Variants in CPB2 observed in about 807,000 individuals in gnomAD.
CPB2 encodes carboxypeptidase B-like protein.
CPB2 carries 54 observed loss-of-function variants against 57.0 expected under a neutral mutation model. The ratio of observed to expected loss-of-function variants is 0.95; its 90% CI spans 0.76 to 1.19. The LOEUF is 1.19. Among genes scored for constraint, CPB2 ranks in the 50% most tolerant of loss-of-function variants. The probability of loss-of-function intolerance (pLI) is 0.00; values close to 1 mark genes in which losing one functional copy is unlikely to be tolerated. For synonymous variants in CPB2, 189 were observed against 178.1 expected (o/e 1.06, Z -0.49); for missense variants, 426 against 512.0 (o/e 0.83, Z 1.62).
chr13:46,090,724 CT>C (rs10651921), intron 1 of CPB2, among the ~76,000 whole-genome samples: 3 of 148,402 alleles, frequency 2.0e-5, no homozygotes, highest in Admixed American at 6.7e-5. Flanking sequence ...AGATGTTGCA[CT>C]TTTTTTTTTT....
chr13:46,100,965 T>A (rs2045427566), intron 1 of CPB2: 1 of 152,226 alleles, frequency 6.6e-6, no homozygotes, highest in South Asian at 2.1e-4. Flanking sequence ...GGTGTGTTTG[T>A]GGAAGAGGTG....
Position 46,073,958 on chromosome 13 carries a change from G to A in CPB2, c.506C>T (p.Ala169Val). 6.3e-7 allele frequency: 1 copy of A among 1,586,578 alleles called. No homozygotes were observed. The highest frequency in any genetic ancestry group is 2.3e-5 in the East Asian group (1 of 44,244). ...GTCAATCCATATGGCATTTTTGGCT[G>A]CTTGTTCTTTTCCAGAAACCTGCTC... ...YVLKVSGKEQ[A>V]AKNAIWIDCG... The change falls in exon 6 of 11, where the codon GCA (alanine) becomes GTA (valine). Residue 169 changes from alanine to valine, a missense_variant. By Grantham distance (64) the Ala-to-Val change is moderately conservative (BLOSUM62 0). Coordinates refer to ENST00000181383, the MANE Select transcript of CPB2 (RefSeq NM_001872.5).
At chr13:46,104,905 C>T in intron 1 of CPB2, 31 bp downstream of exon 1, 2 of 1,613,308 alleles carry the variant, frequency 1.2e-6, no homozygotes, top group Non-Finnish European at 1.7e-6. Context: ...AGGAGAGTGG[C>T]CCACCACAGT....
At chr13:46,100,495 T>A (rs1339186158) in intron 1 of CPB2, 2 of 151,030 alleles carry the variant, frequency 1.3e-5, no homozygotes, top group South Asian at 2.1e-4. Flanking sequence ...TTTTTTTTTT[T>A]AGCATGTTTT....
At chr13:46,087,603 T>C in intron 2 of CPB2, 142 bp downstream of exon 2, 1 of 617,746 alleles carries the variant, frequency 1.6e-6, no homozygotes, top group Non-Finnish European at 2.8e-6. Context: ...CAAAATCATG[T>C]GATTATGAGA....
intron 1 of CPB2, among the ~76,000 whole-genome samples, chr13:46,103,333 C>T (rs376499233): frequency 3.9e-5 from 6 of 152,164 alleles, no homozygotes; most frequent in African/African-American, 1.4e-4. Context: ...CCTCTAATCC[C>T]GAACCTCTCT....
chr13:46,085,512 C>T (rs2045189433), intron 2 of CPB2, among the ~76,000 whole-genome samples: 1 of 152,210 alleles, frequency 6.6e-6, no homozygotes, highest in Admixed American at 6.5e-5. Context: ...AGTGTTAATG[C>T]AGGCCCATTC....
intron 1 of CPB2, among the ~76,000 whole-genome samples, chr13:46,090,220 G>C (rs1272945187): frequency 6.6e-6 from 1 of 151,028 alleles, no homozygotes; most frequent in Non-Finnish European, 1.5e-5. Flanking sequence ...TTAAAAATCA[G>C]CTTGTTATGT....
At chr13:46,094,518 C>T (rs907913020) in intron 1 of CPB2, among the ~76,000 whole-genome samples, 1 of 152,168 alleles carries the variant, frequency 6.6e-6, no homozygotes, top group Non-Finnish European at 1.5e-5. Context: ...GGGCTAACTA[C>T]AGGACATGCC....
chr13:46,104,190 G>A (rs2139433017), intron 1 of CPB2, among the ~76,000 whole-genome samples: 1 of 152,236 alleles, frequency 6.6e-6, no homozygotes, highest in South Asian at 2.1e-4. Context: ...CATGAGGAGA[G>A]GGATCTGTCT....
At chr13:46,092,032 C>G (rs555932473) in intron 1 of CPB2, among the ~76,000 whole-genome samples, 1 of 151,962 alleles carries the variant, frequency 6.6e-6, no homozygotes, top group East Asian at 1.9e-4. Context: ...AGCTCTGAGC[C>G]CCCCCTTTTT....
At chr13:46,067,486 CTTTTT>C in intron 6 of CPB2, 69 bp from the exon 7 acceptor site, 1 of 807,848 alleles carries the variant, frequency 1.2e-6, no homozygotes, top group East Asian at 2.6e-5. Context: ...GTTTCTTTTT[CTTTTT>C]TTTAATTTGT....
Position 46,084,326 on chromosome 13 carries a change from C to T in CPB2, c.168G>A (p.Pro56=), listed in dbSNP as rs374272287. 14 of 1,613,922 alleles carry T rather than the reference C, an allele frequency of 8.7e-6. 1 individual carries two copies. The highest frequency in any genetic ancestry group is 5.0e-5 in the Admixed American group (3 of 59,998). ...TCTTCACAATAAGGTCAGCTGTTAC[C>T]GGCTGCCAGAGAACAATCTACAGTT... ...TTTYEIVLWQ[P]VTADLIVKKK... is the part of the protein sequence containing the mutation. Residue 56 remains proline (P), a synonymous_variant, in exon 3 of 11, where the codon CCG becomes CCA. Transcript: ENST00000181383.
chr13:46,061,009 G>C (rs1017191731), intron 8 of CPB2, among the ~76,000 whole-genome samples: 5 of 152,066 alleles, frequency 3.3e-5, no homozygotes, highest in Non-Finnish European at 7.4e-5. Context: ...AAGTAGATAA[G>C]AAATTACCAA....
At chr13:46,066,279 T>C (rs2044853275) in intron 7 of CPB2, among the ~76,000 whole-genome samples, 1 of 152,238 alleles carries the variant, frequency 6.6e-6, no homozygotes, top group Non-Finnish European at 1.5e-5. Flanking sequence ...TATTTCATAT[T>C]GCTTGAGTAA....
intron 6 of CPB2, among the ~76,000 whole-genome samples, chr13:46,072,654 T>TAGGAGGGCAGAGGTGTCAGGGTG (rs2044960597): frequency 6.6e-6 from 1 of 152,104 alleles, no homozygotes; most frequent in African/African-American, 2.4e-5. Context: ...GGATGTCTAA[T>TAGGAGGGCAGAGGTGTCAGGGTG]AGGAGGGCAG....
At chr13:46,092,983 G>C (rs2045315085) in intron 1 of CPB2, among the ~76,000 whole-genome samples, 1 of 152,116 alleles carries the variant, frequency 6.6e-6, no homozygotes, top group African/African-American at 2.4e-5. Flanking sequence ...CGTGATCTTG[G>C]CTCACTGCAA....
At chr13:46,102,928 T>C (rs898862410) in intron 1 of CPB2, among the ~76,000 whole-genome samples, 2 of 152,192 alleles carry the variant, frequency 1.3e-5, no homozygotes, top group African/African-American at 4.8e-5. Flanking sequence ...GGTTAAAATA[T>C]AGTCACATTC....
chr13:46,082,308 A>G (rs1361189572), intron 4 of CPB2, 133 bp downstream of exon 4: 2 of 495,248 alleles, frequency 4.0e-6, no homozygotes, highest in Non-Finnish European at 7.1e-6. Flanking sequence ...CCACCATTTA[A>G]TTAACCTAAG....
Sources: allele counts gnomAD v4.1 joint callset (sites outside exome capture counted in the v4.1 genomes callset), GRCh38; gene constraint gnomAD v4.1.1; transcripts MANE v1.5; gene names NCBI Gene and HGNC (gene_info 2026-07-23, HGNC 2026-07-21).